The following NDC1 variants were observed in gnomAD, a reference collection of about 807,000 sequenced individuals.
The protein encoded by NDC1 is nucleoporin NDC1.
Under a neutral mutation model 89.8 loss-of-function variants are expected in NDC1, and 24 were observed. That is an observed-to-expected ratio of 0.27 (90% confidence interval 0.19 to 0.38). The LOEUF is 0.38. Ranked by LOEUF, NDC1 falls within the 10% of genes least tolerant of loss-of-function variation. NDC1 has a pLI of 1.00. For missense variants in NDC1, 728 were observed against 797.6 expected, an observed-to-expected ratio of 0.91 and a Z score of 1.05; for synonymous variants, 296 against 284.8, an observed-to-expected ratio of 1.04 and a Z score of -0.39.
At chr1:53,804,085 T>C in intron 9 of NDC1, 76 bp from the exon 10 acceptor site, 2 of 1,002,664 alleles carry the variant, frequency 2.0e-6, no homozygotes, top group Non-Finnish European at 3.1e-6. Context: ...GGGTTCATCA[T>C]TATATATCCA....
intron 11 of NDC1, among the ~76,000 whole-genome samples, chr1:53,798,812 C>T (rs1647816184): frequency 2.0e-5 from 3 of 152,182 alleles, no homozygotes; most frequent in African/African-American, 7.2e-5. Context: ...GCTTCGGCCT[C>T]CCAAAGTGCT....
Position 53,831,997 on chromosome 1 carries a change from A to G in NDC1, c.280+493T>C, listed in dbSNP as rs376620701. 5.3e-5 allele frequency among the ~76,000 whole-genome samples: 8 copies of G among 152,316 alleles called. No individual in the cohort carries two copies. The South Asian group carries it at 1.5e-3, about 28-fold the overall frequency. ...AATGTATCTGCTAAATCACAGCTTT[A>G]ATACTAGTTATGAACTATTAAAAGG... On this transcript the variant is annotated intron_variant, in intron 3 of 17. Transcript: ENST00000371429.
Position 53,767,956 on chromosome 1 carries a change from T to A in NDC1, c.*14A>T. ...TGTATCAGCAGTGTAATGAACACAG[T>A]TTATATTACTTAACTATTCTTTGAA... is the stretch of plus-strand genomic sequence containing the variant. On this transcript the variant is annotated 3_prime_UTR_variant, in exon 18 of 18. Coordinates refer to ENST00000371429, the MANE Select transcript of NDC1 (RefSeq NM_018087.5). The A allele has an allele frequency of 6.4e-7, 1 of 1,560,644 alleles. No homozygotes were observed. Among genetic ancestry groups the A allele is most frequent in the Non-Finnish European group, 8.8e-7 (1 of 1,136,032 alleles).
intron 16 of NDC1, among the ~76,000 whole-genome samples, chr1:53,784,443 G>C (rs1368257628): frequency 1.3e-5 from 2 of 151,992 alleles, no homozygotes; most frequent in African/African-American, 4.8e-5. Context: ...GATTACCTGA[G>C]GTCAGGAGTT....
intron 9 of NDC1, among the ~76,000 whole-genome samples, chr1:53,805,113 A>G: frequency 6.6e-6 from 1 of 152,284 alleles, no homozygotes; most frequent in South Asian, 2.1e-4. Flanking sequence ...AAGTAATTCT[A>G]TTTATTTTCT....
chr1:53,808,187 G>A (rs1485600140), intron 7 of NDC1, among the ~76,000 whole-genome samples: 1 of 152,124 alleles, frequency 6.6e-6, no homozygotes, highest in Non-Finnish European at 1.5e-5. Context: ...TTATCCTTAT[G>A]CCCTATAAAC....
At chr1:53,830,058 G>A (rs547893970) in intron 3 of NDC1, among the ~76,000 whole-genome samples, 1 of 152,210 alleles carries the variant, frequency 6.6e-6, no homozygotes, top group East Asian at 1.9e-4. Context: ...GGTTGAGGCA[G>A]GAGAATCACT....
intron 9 of NDC1, among the ~76,000 whole-genome samples, chr1:53,806,216 A>G (rs539121387): frequency 6.6e-6 from 1 of 152,382 alleles, no homozygotes; most frequent in South Asian, 2.1e-4. Context: ...TAGCTTATAC[A>G]CATACACTGT....
intron 14 of NDC1, among the ~76,000 whole-genome samples, chr1:53,790,575 C>T (rs1033936151): frequency 9.3e-5 from 14 of 151,082 alleles, no homozygotes; most frequent in East Asian, 3.9e-4. Flanking sequence ...TATGTGGTGG[C>T]GCACGCCTGT....
chr1:53,782,750 T>C (rs1478838481), intron 16 of NDC1, among the ~76,000 whole-genome samples: 1 of 152,226 alleles, frequency 6.6e-6, no homozygotes, highest in Non-Finnish European at 1.5e-5. Flanking sequence ...CAAATCATAG[T>C]AGCATTAGTA....
At position 53,796,696 on chromosome 1, in the gene NDC1, C is replaced by G; in HGVS notation, c.1577G>C (p.Arg526Pro). The change falls in exon 13 of 18, where the codon CGT becomes CCT. Residue 526 changes from arginine to proline, a missense_variant. Transcript: ENST00000371429. ...ATAACCATATCATCCTACCTGTTCACGTTTATTCTGAATCCATGAATAAAT... is the reference window on the plus strand; with the variant it reads ...ATAACCATATCATCCTACCTGTTCAGGTTTATTCTGAATCCATGAATAAAT... The part of the protein sequence containing the change: ...SVIYSWIQNK[R>P]EQIKNFLSKR... The G allele has an allele frequency of 6.3e-7, 1 of 1,592,994 alleles. No individual in the cohort carries two copies. The highest frequency in any genetic ancestry group is 1.1e-5 in the South Asian group (1 of 89,128).
At chr1:53,809,479 G>T (rs12562843) in intron 7 of NDC1, among the ~76,000 whole-genome samples, 8 of 151,988 alleles carry the variant, frequency 5.3e-5, no homozygotes, top group Admixed American at 2.6e-4. Context: ...AACCTCCCAA[G>T]TAGCTGGGAC....
At chr1:53,810,291 A>C (rs1378194665) in intron 6 of NDC1, among the ~76,000 whole-genome samples, 2 of 152,224 alleles carry the variant, frequency 1.3e-5, no homozygotes, top group Non-Finnish European at 2.9e-5. Flanking sequence ...CTTCAGCAGC[A>C]CATATACTAA....
rs1487687645 is a variant in NDC1 at position 53,838,291 on chromosome 1, C to G, written c.-30G>C. ...ATGGCGGCCCCTAGTCTAGGGCGTA[C>G]AGGAGACCGTGCGCCCGCCCGCCAC... On this transcript the variant is annotated 5_prime_UTR_variant, in exon 1 of 18. Transcript: ENST00000371429. 13 of 1,516,874 alleles carry G rather than the reference C, an allele frequency of 8.6e-6. No individual in the cohort carries two copies. Among genetic ancestry groups the G allele is most frequent in the Non-Finnish European group, 1.1e-5 (13 of 1,132,958 alleles). The allele number at this position is 1,516,874 out of a possible 1,614,324, so 94.0% of individuals were successfully genotyped here.
At chr1:53,777,934 A>G (rs917642109) in intron 16 of NDC1, among the ~76,000 whole-genome samples, 3 of 152,010 alleles carry the variant, frequency 2.0e-5, no homozygotes, top group African/African-American at 7.2e-5. Context: ...CAGGGGCTCA[A>G]GCAATCCATC....
At chr1:53,798,529 A>G (rs970346337) in intron 11 of NDC1, among the ~76,000 whole-genome samples, 2 of 150,926 alleles carry the variant, frequency 1.3e-5, no homozygotes, top group African/African-American at 4.9e-5. Flanking sequence ...CCCAAGTACC[A>G]AATTTTCATT....
At position 53,838,238 on chromosome 1, in the gene NDC1, G is replaced by GGGCCGGCTCAC; in HGVS notation, c.13_23dup (p.Cys9Ter). On this transcript the variant is annotated stop_gained and frameshift_variant, in exon 1 of 18. Transcript: ENST00000371429. LOFTEE classifies it high-confidence loss of function. ...GTATGTCCCGCGACCTGCCGGCGCA[G>GGGCCGGCTCAC]GGCCGGCTCACGGCCGTGGCCATGG... 6.5e-7 allele frequency: 1 copy of GGGCCGGCTCAC among 1,536,954 alleles called. No individual in the cohort carries two copies. Among genetic ancestry groups the GGGCCGGCTCAC allele is most frequent in the Non-Finnish European group, 8.7e-7 (1 of 1,145,936 alleles).
chr1:53,820,594 C>CT (rs1239254132), intron 5 of NDC1, among the ~76,000 whole-genome samples: 28 of 151,766 alleles, frequency 1.8e-4, no homozygotes, highest in African/African-American at 6.1e-4. Context: ...GGTTGTCTAC[C>CT]TCTCTCTCCT....
chr1:53,826,080 TA>T, intron 4 of NDC1, 144 bp from the exon 5 acceptor site: 1 of 764,358 alleles, frequency 1.3e-6, no homozygotes, highest in Non-Finnish European at 2.1e-6. Flanking sequence ...TCGTTTTCAG[TA>T]AGTGTGAACA....
Sources: gnomAD v4.1 joint callset for allele counts (sites outside exome capture counted in the v4.1 genomes callset) on GRCh38, gnomAD v4.1.1 for gene constraint, MANE v1.5 for transcripts, NCBI Gene and HGNC (gene_info 2026-07-23, HGNC 2026-07-21) for gene names.